TK2: variants seen among roughly 807,000 people sequenced by gnomAD.
The protein encoded by TK2 is thymidine kinase 2.
TK2 carries 35 observed loss-of-function variants against 41.9 expected under a neutral mutation model. The observed-to-expected ratio is 0.84, with a 90% CI of 0.64 to 1.11. The LOEUF (loss-of-function observed/expected upper bound fraction) is 1.11. TK2 is among the 50% of genes least tolerant of loss of function. The pLI, the probability that TK2 is intolerant of heterozygous loss-of-function variation, is 0.00. For missense variants in TK2, 320 were observed against 351.1 expected, an observed-to-expected ratio of 0.91 and a Z score of 0.71; for synonymous variants, 128 against 129.1, an observed-to-expected ratio of 0.99 and a Z score of 0.06.
At chr16:66,513,271 G>A (rs578239522) in intron 9 of TK2, among the ~76,000 whole-genome samples, 2 of 152,318 alleles carry the variant, frequency 1.3e-5, no homozygotes, top group African/African-American at 4.8e-5. Flanking sequence ...GGGCAGGGCA[G>A]ACAGTTCCAC....
chr16:66,531,107 G>A (rs144481646), intron 5 of TK2, among the ~76,000 whole-genome samples: 99 of 152,274 alleles, frequency 6.5e-4, no homozygotes, highest in Admixed American at 3.9e-3. Flanking sequence ...TGAGTTAAAC[G>A]GCATTAAGCC....
chr16:66,515,996 C>A lies in TK2; in HGVS notation c.618+1140G>T, dbSNP rs148808583. Among the ~76,000 whole-genome samples, 226 of 152,330 alleles carry A rather than the reference C, an allele frequency of 1.5e-3. 2 individuals carry two copies. The highest frequency in any genetic ancestry group is 2.6e-3 in the Non-Finnish European group (174 of 68,038). On this transcript the variant is annotated intron_variant, in intron 8 of 9. Transcript: ENST00000544898. ...GTCTCCCTCCAGTGGCAGCTTCTCA[C>A]ATGGGACATTCAGTTCAATACTAAC...
Position 66,549,919 on chromosome 16 carries a change from G to T in TK2, c.124+19C>A. 7.4e-7 allele frequency: 1 copy of T among 1,351,472 alleles called. No homozygotes were observed. The highest frequency in any genetic ancestry group is 2.9e-5 in the East Asian group (1 of 34,012). The allele number at this position is 1,351,472 out of a possible 1,614,324, so 83.7% of individuals were successfully genotyped here. A position where few individuals can be genotyped will look rare whatever the true frequency, so the allele number is the denominator to read the frequency against. ...GGCGCATAGGGGCTCCTGGGAGGCG[G>T]GACCAAGACGCGCGTTACCGGGAGG... is the stretch of plus-strand genomic sequence containing the variant. On this transcript the variant is annotated intron_variant, in intron 1 of 9. Transcript: ENST00000544898.
rs1044683526 is a variant in TK2, at chr16:66,547,937, A to G, written c.156+1041T>C. 25 of 1,287,566 alleles carry G rather than the reference A, an allele frequency of 1.9e-5. No individual in the cohort carries two copies. The East Asian group carries it at 1.0e-3, about 52-fold the overall frequency. The allele number at this position is 1,287,566 out of a possible 1,614,324, so 79.8% of individuals were successfully genotyped here. ...GCCCAGCTCACATCAATGCTAGCTC[A>G]ATAACTAATAAATAGCCAGGCACAG... On this transcript the variant is annotated intron_variant, in intron 2 of 9. Transcript: ENST00000544898.
At chr16:66,516,036 G>C (rs1964602372) in intron 8 of TK2, among the ~76,000 whole-genome samples, 1 of 152,132 alleles carries the variant, frequency 6.6e-6, no homozygotes. Context: ...CAACTACTAG[G>C]CACCAGGCCC....
intron 4 of TK2, among the ~76,000 whole-genome samples, chr16:66,535,031 A>G (rs115140113): frequency 1.5e-3 from 234 of 151,928 alleles, no homozygotes; most frequent in African/African-American, 5.3e-3. Context: ...AACTAATGAA[A>G]CTCCAGTGTT....
At chr16:66,544,895 T>A (rs1965558638) in intron 2 of TK2, among the ~76,000 whole-genome samples, 1 of 152,096 alleles carries the variant, frequency 6.6e-6, no homozygotes, top group South Asian at 2.1e-4. Context: ...AAGACCAGCC[T>A]GGCCAACATG....
chr16:66,517,312 C>T lies in TK2; in HGVS notation c.539-97G>A, dbSNP rs539812115. 19 of 1,040,354 alleles carry T rather than the reference C, an allele frequency of 1.8e-5. No individual in the cohort carries two copies. Among genetic ancestry groups the T allele is most frequent in the South Asian group, 1.1e-4 (9 of 79,296 alleles). 64.4% of individuals were successfully genotyped at this position (1,040,354 alleles called of 1,614,324 possible). Reference sequence around the variant, plus strand: ...AGGCGGGAGGAAGGTCTGCACAGCTCGAGCAGGAAGCAGGGAGGGCCAGCT... The same window carrying T: ...AGGCGGGAGGAAGGTCTGCACAGCTTGAGCAGGAAGCAGGGAGGGCCAGCT... On this transcript the variant is annotated intron_variant, in intron 7 of 9. Coordinates refer to ENST00000544898, the MANE Select transcript of TK2 (RefSeq NM_004614.5). This position sits in a 1 kb window ranked among gnomAD's most constrained non-coding sequence, Gnocchi z 4.3.
intron 1 of TK2, chr16:66,549,518 C>T: frequency 6.7e-6 from 7 of 1,040,522 alleles, no homozygotes; most frequent in Non-Finnish European, 8.1e-6. Context: ...TGTGGGTCCC[C>T]ACTCCCAGGG....
At position 66,537,017 on chromosome 16, in the gene TK2, C is replaced by A; in HGVS notation, c.232G>T (p.Val78Leu). 1.2e-6 allele frequency: 2 copies of A among 1,614,008 alleles called. No individual in the cohort carries two copies. The highest frequency in any genetic ancestry group is 1.1e-5 in the South Asian group (1 of 91,074). ...CACTTGGACACAGGCTCCGTTAACA[C>A]CTGGAAGGAAAGAAAACATCAGAGC... The part of the protein sequence containing the change: ...EFFSNATDVE[V>L]LTEPVSKWRN... Residue 78 changes from valine to leucine, a missense_variant and splice_region_variant, in exon 4 of 10, where the codon GTG becomes TTG. By Grantham distance (32) the Val-to-Leu change is conservative. Transcript: ENST00000544898.
chr16:66,531,773 T>C (rs1157051708), intron 4 of TK2, among the ~76,000 whole-genome samples: 1 of 152,220 alleles, frequency 6.6e-6, no homozygotes, highest in Non-Finnish European at 1.5e-5. Context: ...CATCTTAACC[T>C]TGTTCACGGA....
chr16:66,525,414 A>G (rs187092641), intron 6 of TK2, among the ~76,000 whole-genome samples: 159 of 152,338 alleles, frequency 1.0e-3, no homozygotes, highest in African/African-American at 3.7e-3. Context: ...CAAAATCCCA[A>G]TGAATTCTAG....
rs1336236537 is a variant in TK2 at position 66,514,188 on chromosome 16, T to C, written c.619-377A>G. On this transcript the variant is annotated intron_variant, in intron 8 of 9. Coordinates refer to ENST00000544898, the MANE Select transcript of TK2 (RefSeq NM_004614.5). The surrounding 1 kb of genome is among the most constrained non-coding windows in gnomAD (Gnocchi z 4.2). ...ATGCCCAGCCGAGGCTGGACTGTAC[T>C]GCCGCCAACTCGACTCACTGCAACC... Among the ~76,000 whole-genome samples the C allele has an allele frequency of 2.7e-5, 4 of 150,650 alleles. No individual in the cohort carries two copies. Among genetic ancestry groups the C allele is most frequent in the Admixed American group, 2.0e-4 (3 of 15,128 alleles).
chr16:66,539,923 C>T (rs949019666), intron 3 of TK2, among the ~76,000 whole-genome samples: 10 of 152,124 alleles, frequency 6.6e-5, no homozygotes, highest in Admixed American at 5.9e-4. Flanking sequence ...ATACTGTTTG[C>T]AGAAACAATT....
At position 66,517,657 on chromosome 16, in the gene TK2, A is replaced by G; in HGVS notation, c.538+132T>C. 1 of 813,174 alleles carries G rather than the reference A, an allele frequency of 1.2e-6. No homozygotes were observed. The allele number at this position is 813,174 out of a possible 1,614,324, so 50.4% of individuals were successfully genotyped here. On this transcript the variant is annotated intron_variant, in intron 7 of 9. Coordinates refer to ENST00000544898, the MANE Select transcript of TK2 (RefSeq NM_004614.5). This position sits in a 1 kb window ranked among gnomAD's most constrained non-coding sequence, Gnocchi z 4.3. The stretch of plus-strand genomic sequence containing the variant: ...TGTCTGCCCTCAGGGAGAAAGCTGA[A>G]CTCCCATGGGGAAGGAACTGCCAAG...
rs1404201259 is a variant in TK2, at chr16:66,549,978, G to A, written c.84C>T (p.Gly28=). 5 of 1,499,520 alleles carry A rather than the reference G, an allele frequency of 3.3e-6. No individual in the cohort carries two copies. In the African/African-American group the frequency reaches 4.4e-5, roughly 13 times the overall value. 92.9% of individuals were successfully genotyped at this position (1,499,520 alleles called of 1,614,324 possible). ...GGCGCTGCACCCTCCGCGGCCCGGG[G>A]CCTGAGGCCGGGCTCCCGCGACTTC... is the stretch of plus-strand genomic sequence containing the variant. The part of the protein sequence containing the change: ...GPGSRGSPAS[G]PGPRRVQRRA... Residue 28 remains glycine (G), a synonymous_variant, in exon 1 of 10, where the codon GGC becomes GGT. Transcript: ENST00000544898.
intron 4 of TK2, among the ~76,000 whole-genome samples, chr16:66,533,773 C>T (rs1427339518): frequency 6.6e-6 from 1 of 151,850 alleles, no homozygotes; most frequent in Non-Finnish European, 1.5e-5. Context: ...TCTGGGAGGC[C>T]GAGGTGCGCG....
chr16:66,531,344 G>A (rs543759375), intron 5 of TK2, 36 bp downstream of exon 5: 62 of 1,604,094 alleles, frequency 3.9e-5, no homozygotes, highest in South Asian at 1.5e-4. Context: ...TGAAGAAAAC[G>A]TTTAAGAAGG....
At chr16:66,539,876 C>T (rs1233106245) in intron 3 of TK2, among the ~76,000 whole-genome samples, 5 of 152,112 alleles carry the variant, frequency 3.3e-5, no homozygotes, top group South Asian at 2.1e-4. Context: ...ACCAAAATTC[C>T]GGACTCCCAG....
Sources: gnomAD v4.1 joint callset for allele counts (sites outside exome capture counted in the v4.1 genomes callset) on GRCh38, gnomAD v4.1.1 for gene constraint, Gnocchi (gnomAD v3.1) non-coding constraint, MANE v1.5 for transcripts, NCBI Gene and HGNC (gene_info 2026-07-23, HGNC 2026-07-21) for gene names.